SPECC1: variants seen among roughly 807,000 people sequenced by gnomAD.
The protein encoded by SPECC1 is cytospin-B.
Under a neutral mutation model 104.1 loss-of-function variants are expected in SPECC1, and 62 were observed. The ratio of observed to expected loss-of-function variants is 0.60; its 90% CI spans 0.49 to 0.74. The LOEUF (loss-of-function observed/expected upper bound fraction) is 0.74, where lower values mean the gene tolerates loss of function less well. SPECC1 is among the 30% of genes least tolerant of loss of function. The pLI is 0.00. For missense variants in SPECC1, 1,306 were observed against 1,310.5 expected (o/e 1.00, Z 0.05); for synonymous variants, 513 against 501.6 (o/e 1.02, Z -0.30).
At chr17:20,164,543 C>A (rs1030672830) in intron 3 of SPECC1, among the ~76,000 whole-genome samples, 1 of 151,916 alleles carries the variant, frequency 6.6e-6, no homozygotes, top group Admixed American at 6.6e-5. Context: ...GGTTGGGATT[C>A]TTACCCTACC....
intron 3 of SPECC1, among the ~76,000 whole-genome samples, chr17:20,202,184 T>A (rs1310190618): frequency 1.1e-4 from 16 of 152,156 alleles, no homozygotes; most frequent in Admixed American, 1.0e-3. Context: ...ACAGTACTCC[T>A]GTAACAATTC....
At chr17:20,308,748 TA>T (rs1248905922) in intron 14 of SPECC1, among the ~76,000 whole-genome samples, 1 of 152,164 alleles carries the variant, frequency 6.6e-6, no homozygotes, top group African/African-American at 2.4e-5. Context: ...CTGGGAAATT[TA>T]AAAAGGTGTG....
intron 9 of SPECC1, among the ~76,000 whole-genome samples, chr17:20,250,269 C>T (rs1179483775): frequency 6.6e-5 from 10 of 152,118 alleles, no homozygotes; most frequent in Non-Finnish European, 1.0e-4. Context: ...TTGAGTCCAA[C>T]AAAACCAGAT....
chr17:20,248,306 G>T (rs1032771817), intron 9 of SPECC1, among the ~76,000 whole-genome samples: 2 of 152,150 alleles, frequency 1.3e-5, no homozygotes, highest in African/African-American at 4.8e-5. Flanking sequence ...AAGCTTTAAA[G>T]GAGTTTGCCA....
At chr17:20,061,953 A>G (rs927447435) in intron 1 of SPECC1, among the ~76,000 whole-genome samples, 2 of 151,834 alleles carry the variant, frequency 1.3e-5, no homozygotes. Flanking sequence ...TATTTTGTCT[A>G]TGTCTTTATT....
chr17:20,158,079 T>A (rs532827590), intron 3 of SPECC1, among the ~76,000 whole-genome samples: 6 of 152,264 alleles, frequency 3.9e-5, no homozygotes, highest in African/African-American at 1.4e-4. Flanking sequence ...TCCTGGAAAT[T>A]AGAGCTTTGT....
rs2703807 is a variant in SPECC1 at position 20,205,876 on chromosome 17, C to T, written c.1827C>T (p.Asn609=). 684,766 of 1,612,872 alleles carry T rather than the reference C, an allele frequency of 0.42. 151,800 individuals carry two copies. Among genetic ancestry groups the T allele is most frequent in the East Asian group, 0.78 (34,899 of 44,878 alleles). ...NELRQELLKA[N]GEIKHVSSLL... The stretch of plus-strand genomic sequence containing the variant: ...TCAGACAAGAATTACTAAAGGCAAA[C>T]GGTGAAATTAAACATGTTTCCAGTC... The change falls in exon 4 of 15, where the codon AAC becomes AAT. Residue 609 remains asparagine, a synonymous_variant. Coordinates refer to ENST00000395527, the MANE Select transcript of SPECC1 (RefSeq NM_001243439.2).
At position 20,317,259 on chromosome 17, in the gene SPECC1, A is replaced by ATTTTTTTTTTTTTTTTGTT. The variant is rs2042053085; in HGVS notation, c.*3210_*3211insGTTTTTTTTTTTTTTTTTT. On this transcript the variant is annotated 3_prime_UTR_variant, in exon 15 of 15. Coordinates refer to ENST00000395527, the MANE Select transcript of SPECC1 (RefSeq NM_001243439.2). Reference sequence around the variant, plus strand: ...GCAAGACCTCTGACTCTATAAAAAAATTTTTTTTTTTTTTTTTTTTTGAGA... The same window carrying ATTTTTTTTTTTTTTTTGTT: ...GCAAGACCTCTGACTCTATAAAAAAATTTTTTTTTTTTTTTTGTTTTTTTTTTTTTTTTTTTTTTTGAGA... 1.4e-5 allele frequency: 1 copy of ATTTTTTTTTTTTTTTTGTT among 69,506 alleles called. No homozygotes were observed. The highest frequency in any genetic ancestry group is 2.3e-5 in the Non-Finnish European group (1 of 42,610). The allele number at this position is 69,506 out of a possible 1,614,324, so 4.3% of individuals were successfully genotyped here.
At position 20,009,668 on chromosome 17, in the gene SPECC1, C is replaced by T. The variant is rs1332623890; in HGVS notation, c.-22+244C>T. Among the ~76,000 whole-genome samples the T allele has an allele frequency of 6.6e-6, 1 of 152,112 alleles. No homozygotes were observed. The highest frequency in any genetic ancestry group is 2.1e-4 in the South Asian group (1 of 4,834). ...CCTGCCCGGCCCGGAGCGGTGGGAC[C>T]GGTGCCGCAGGTGGCAGCGGCAGGT... On this transcript the variant is annotated intron_variant, in intron 1 of 14. Coordinates refer to ENST00000395527, the MANE Select transcript of SPECC1 (RefSeq NM_001243439.2). The surrounding 1 kb of genome is among the most constrained non-coding windows in gnomAD (Gnocchi z 5.2).
At chr17:20,091,392 C>T (rs2047395064) in intron 1 of SPECC1, among the ~76,000 whole-genome samples, 1 of 152,156 alleles carries the variant, frequency 6.6e-6, no homozygotes, top group Non-Finnish European at 1.5e-5. Context: ...GAGCCAGTGT[C>T]CCAGGGCTCT....
chr17:20,017,654 C>T (rs2044199335), intron 1 of SPECC1: 1 of 152,224 alleles, frequency 6.6e-6, no homozygotes, highest in Non-Finnish European at 1.5e-5. Flanking sequence ...AAAGTTTCTT[C>T]ATGCAAATAC....
At chr17:20,016,490 G>T (rs1055557933) in intron 1 of SPECC1, among the ~76,000 whole-genome samples, 2 of 152,168 alleles carry the variant, frequency 1.3e-5, no homozygotes, top group African/African-American at 4.8e-5. Context: ...GGGAACCGGG[G>T]CTGTACGCGG....
intron 3 of SPECC1, among the ~76,000 whole-genome samples, chr17:20,194,512 T>TTTTTTTTTTTTTTTTTTTA (rs2035893971): frequency 7.7e-6 from 1 of 129,350 alleles, no homozygotes; most frequent in Non-Finnish European, 1.6e-5. Context: ...ATTTTTTTTT[T>TTTTTTTTTTTTTTTTTTTA]TTTTTTTTTT....
intron 9 of SPECC1, among the ~76,000 whole-genome samples, chr17:20,252,260 A>T (rs4925098): frequency 8.0e-4 from 122 of 151,770 alleles, no homozygotes; most frequent in African/African-American, 2.2e-3. Context: ...CTCTAGAAAA[A>T]TTTTTTTTTA....
intron 3 of SPECC1, chr17:20,156,282 C>CG (rs1035267950): frequency 2.3e-6 from 3 of 1,326,394 alleles, no homozygotes; most frequent in African/African-American, 1.5e-5. Flanking sequence ...AACCCCACCC[C>CG]CCCTCCAGGC....
intron 12 of SPECC1, among the ~76,000 whole-genome samples, chr17:20,292,348 G>C (rs547622812): frequency 6.6e-6 from 1 of 151,744 alleles, no homozygotes; most frequent in South Asian, 2.1e-4. Flanking sequence ...TTTTTTGGGG[G>C]GGGGACGGAG....
intron 2 of SPECC1, among the ~76,000 whole-genome samples, chr17:20,109,472 C>G (rs1453134289): frequency 6.6e-6 from 1 of 152,218 alleles, no homozygotes; most frequent in African/African-American, 2.4e-5. Context: ...TGTAATCTAT[C>G]TGGGCCTGAA....
chr17:20,187,731 C>A (rs1408267197), intron 3 of SPECC1, among the ~76,000 whole-genome samples: 1 of 152,186 alleles, frequency 6.6e-6, no homozygotes, highest in East Asian at 1.9e-4. Flanking sequence ...AAACCCACAT[C>A]TGCAGTGTTT....
chr17:20,172,151 A>C (rs2034139389), intron 3 of SPECC1, among the ~76,000 whole-genome samples: 1 of 152,110 alleles, frequency 6.6e-6, no homozygotes, highest in African/African-American at 2.4e-5. Flanking sequence ...CTGCCCTGGC[A>C]CCTGTGGAAG....
Sources: allele counts gnomAD v4.1 joint callset (sites outside exome capture counted in the v4.1 genomes callset), GRCh38; gene constraint gnomAD v4.1.1; non-coding constraint Gnocchi (gnomAD v3.1); transcripts MANE v1.5; gene names NCBI Gene and HGNC (gene_info 2026-07-23, HGNC 2026-07-21).